The following RFK variants were observed in gnomAD, a reference collection of about 807,000 sequenced individuals.
RFK encodes the protein 0610038L10Rik.
In RFK, 4 loss-of-function variants were observed where a neutral mutation model predicts 17.6. The observed-to-expected ratio is 0.23, with a 90% CI of 0.11 to 0.52. The LOEUF (loss-of-function observed/expected upper bound fraction) is 0.52, where lower values mean the gene tolerates loss of function less well. RFK is among the 20% of genes least tolerant of loss of function. The probability of loss-of-function intolerance (pLI) is 0.96; values close to 1 mark genes in which losing one functional copy is unlikely to be tolerated. For synonymous variants in RFK, 59 were observed against 63.8 expected (o/e 0.92, Z 0.36); for missense variants, 189 against 187.7 (o/e 1.01, Z -0.04).
At position 76,385,988 on chromosome 9, in the gene RFK, A is replaced by ACT. The variant is rs1822723516; in HGVS notation, c.*1410_*1411insAG. The ACT allele has an allele frequency of 6.6e-6, 1 of 152,242 alleles. No homozygotes were observed. The highest frequency in any genetic ancestry group is 1.5e-5 in the Non-Finnish European group (1 of 68,032). The allele number at this position is 152,242 out of a possible 1,614,324, so 9.4% of individuals were successfully genotyped here. ...AGATGTTTTTCTGAGTACTTTTTAC[A>ACT]CAGAATATTTTTATTAAAATCAGTT... On this transcript the variant is annotated 3_prime_UTR_variant, in exon 4 of 4. Coordinates refer to ENST00000376736, the MANE Select transcript of RFK (RefSeq NM_018339.6).
At chr9:76,393,213 T>C (rs1822840931) in intron 1 of RFK, among the ~76,000 whole-genome samples, 1 of 151,248 alleles carries the variant, frequency 6.6e-6, no homozygotes, top group East Asian at 1.9e-4. Flanking sequence ...TCTTTCTTTT[T>C]TTTTTTTTTT....
rs761269114 is a variant in RFK at position 76,388,676 on chromosome 9, C to T, written c.235-20G>A. The T allele has an allele frequency of 2.1e-6, 3 of 1,418,804 alleles. No homozygotes were observed. Among genetic ancestry groups the T allele is most frequent in the Non-Finnish European group, 3.0e-6 (3 of 1,003,938 alleles). 87.9% of individuals were successfully genotyped at this position (1,418,804 alleles called of 1,614,324 possible). On this transcript the variant is annotated intron_variant, in intron 2 of 3. Coordinates refer to ENST00000376736, the MANE Select transcript of RFK (RefSeq NM_018339.6). ...TGTTTCCTATAGTCAAGAAATGTTA[C>T]AAAGAGTGCTATCAGACTACAGTGT...
intron 2 of RFK, among the ~76,000 whole-genome samples, chr9:76,391,024 G>A (rs1822813302): frequency 6.6e-6 from 1 of 152,084 alleles, no homozygotes; most frequent in African/African-American, 2.4e-5. Context: ...TATCTAAGTA[G>A]CTAAAGACAA....
chr9:76,393,690 A>C (rs948132427), intron 1 of RFK: 3 of 223,976 alleles, frequency 1.3e-5, no homozygotes, highest in African/African-American at 6.9e-5. Flanking sequence ...ACATTACATA[A>C]TTACAAATTA....
At chr9:76,393,229 C>A (rs906790349) in intron 1 of RFK, among the ~76,000 whole-genome samples, 2 of 143,798 alleles carry the variant, frequency 1.4e-5, no homozygotes, top group Non-Finnish European at 1.5e-5. Context: ...TTTTTTGAGA[C>A]GGTGTCTCAC....
At position 76,386,033 on chromosome 9, in the gene RFK, TA is replaced by T. The variant is rs1822723864; in HGVS notation, c.*1365del. ...TCAGTTCTAATTCATTTATGCAGAT[TA>T]GGGGAAAATGATTCATAATAAATTA... is the stretch of plus-strand genomic sequence containing the variant. On this transcript the variant is annotated 3_prime_UTR_variant, in exon 4 of 4. Transcript: ENST00000376736. 6.6e-6 allele frequency: 1 copy of T among 152,216 alleles called. No homozygotes were observed. The allele number at this position is 152,216 out of a possible 1,614,324, so 9.4% of individuals were successfully genotyped here.
At position 76,387,252 on chromosome 9, in the gene RFK, T is replaced by C. The variant is rs955683958; in HGVS notation, c.*147A>G. On this transcript the variant is annotated 3_prime_UTR_variant, in exon 4 of 4. Coordinates refer to ENST00000376736, the MANE Select transcript of RFK (RefSeq NM_018339.6). ...TGGGCTTAATTTAATAGTTGAAGCATGATATGATAACAACATTGTACGGTT... is the reference window on the plus strand; with the variant it reads ...TGGGCTTAATTTAATAGTTGAAGCACGATATGATAACAACATTGTACGGTT... 1.0e-5 allele frequency: 7 copies of C among 689,192 alleles called. No individual in the cohort carries two copies. In the Admixed American group the frequency reaches 1.3e-4, roughly 12 times the overall value. The allele number at this position is 689,192 out of a possible 1,614,324, so 42.7% of individuals were successfully genotyped here. A position where few individuals can be genotyped will look rare whatever the true frequency, so the allele number is the denominator to read the frequency against.
chr9:76,394,099 T>C lies in RFK; in HGVS notation c.73A>G (p.Ile25Val), dbSNP rs147845416. 68 of 1,606,374 alleles carry C rather than the reference T, an allele frequency of 4.2e-5. No homozygotes were observed. The African/African-American group carries it at 8.3e-4, about 20-fold the overall frequency. The change falls in exon 1 of 4, where the codon ATC becomes GTC. Residue 25 changes from isoleucine to valine, a missense_variant. By Grantham distance (29) the Ile-to-Val change is conservative. Coordinates refer to ENST00000376736, the MANE Select transcript of RFK (RefSeq NM_018339.6). The part of the protein sequence containing the change: ...GFGRGSKQLG[I>V]PTANFPEQVV... ...GCCGCCCTGCTCTCACCTGTGGGGA[T>C]GCCCAGCTGCTTGGAGCCGCGGCCG...
At position 76,386,376 on chromosome 9, in the gene RFK, A is replaced by T. The variant is rs958105263; in HGVS notation, c.*1023T>A. 2.6e-5 allele frequency: 4 copies of T among 152,202 alleles called. No homozygotes were observed. Among genetic ancestry groups the T allele is most frequent in the Admixed American group, 6.5e-5 (1 of 15,280 alleles). The allele number at this position is 152,202 out of a possible 1,614,324, so 9.4% of individuals were successfully genotyped here. A position where few individuals can be genotyped will look rare whatever the true frequency, so the allele number is the denominator to read the frequency against. Reference sequence around the variant, plus strand: ...TTAAAAATAATTTTATAACTATTTCATAGTTTAATTGGCTCTTAAATAGTT... The same window carrying T: ...TTAAAAATAATTTTATAACTATTTCTTAGTTTAATTGGCTCTTAAATAGTT... On this transcript the variant is annotated 3_prime_UTR_variant, in exon 4 of 4. Coordinates refer to ENST00000376736, the MANE Select transcript of RFK (RefSeq NM_018339.6).
In RFK at chr9:76,393,765, T is replaced by C. The variant is rs766448714; in HGVS notation, c.82+325A>G. 5.9e-4 allele frequency: 227 copies of C among 387,936 alleles called. 1 individual carries two copies. The highest frequency in any genetic ancestry group is 9.7e-4 in the South Asian group (19 of 19,550). 24.0% of individuals were successfully genotyped at this position (387,936 alleles called of 1,614,324 possible). A position where few individuals can be genotyped will look rare whatever the true frequency, so the allele number is the denominator to read the frequency against. The stretch of plus-strand genomic sequence containing the variant: ...GTTCTGGCCCACGTTACGTCTCTAA[T>C]GGGCAAGACAAGCGCAATGCTTGAC... On this transcript the variant is annotated intron_variant, in intron 1 of 3. Transcript: ENST00000376736.
intron 2 of RFK, among the ~76,000 whole-genome samples, chr9:76,390,657 C>T (rs568629790): frequency 2.0e-5 from 3 of 147,366 alleles, no homozygotes; most frequent in South Asian, 4.5e-4. Context: ...GAGCAAGACC[C>T]TATCTGAAAA....
Position 76,385,557 on chromosome 9 carries a change from G to GA in RFK, c.*1841dup, listed in dbSNP as rs1162021139. 6.6e-6 allele frequency: 1 copy of GA among 152,172 alleles called. No individual in the cohort carries two copies. Among genetic ancestry groups the GA allele is most frequent in the Non-Finnish European group, 1.5e-5 (1 of 68,036 alleles). 9.4% of individuals were successfully genotyped at this position (152,172 alleles called of 1,614,324 possible). ...TTAGTCAAAATTTATTTCAAGGCCT[G>GA]AAAACATTCAGACTAATCAAAATGG... On this transcript the variant is annotated 3_prime_UTR_variant, in exon 4 of 4. Transcript: ENST00000376736.
chr9:76,387,319 A>G lies in RFK; in HGVS notation c.*80T>C. ...TGTAGTAAAGTGTTTGATTTTCAGT[A>G]TATAACCAAGATGATGCTGAACAGT... On this transcript the variant is annotated 3_prime_UTR_variant, in exon 4 of 4. Coordinates refer to ENST00000376736, the MANE Select transcript of RFK (RefSeq NM_018339.6). 2.3e-6 allele frequency: 3 copies of G among 1,331,922 alleles called. No individual in the cohort carries two copies. The highest frequency in any genetic ancestry group is 1.3e-5 in the South Asian group (1 of 75,982). The allele number at this position is 1,331,922 out of a possible 1,614,324, so 82.5% of individuals were successfully genotyped here.
chr9:76,394,075 C>A lies in RFK; in HGVS notation c.82+15G>T, dbSNP rs1822858207. On this transcript the variant is annotated intron_variant, in intron 1 of 3. Transcript: ENST00000376736. Reference sequence around the variant, plus strand: ...CGTGACCCGGCCCGGGGGACTCTGGCCGCCCTGCTCTCACCTGTGGGGATG... The same window carrying A: ...CGTGACCCGGCCCGGGGGACTCTGGACGCCCTGCTCTCACCTGTGGGGATG... 6.3e-7 allele frequency: 1 copy of A among 1,584,270 alleles called. No individual in the cohort carries two copies.
intron 2 of RFK, among the ~76,000 whole-genome samples, chr9:76,389,810 CCTGACA>C (rs1822794010): frequency 6.6e-6 from 1 of 151,974 alleles, no homozygotes; most frequent in Non-Finnish European, 1.5e-5. Context: ...TATGTAAGAC[CCTGACA>C]CTGACAATTA....
chr9:76,386,697 C>T lies in RFK; in HGVS notation c.*702G>A, dbSNP rs1198288935. 1 of 152,096 alleles carries T rather than the reference C, an allele frequency of 6.6e-6. No homozygotes were observed. The highest frequency in any genetic ancestry group is 1.9e-4 in the East Asian group (1 of 5,206). The allele number at this position is 152,096 out of a possible 1,614,324, so 9.4% of individuals were successfully genotyped here. ...GACTCAGAATTGAAGCAGCTCTATA[C>T]AATAATGAAGGTGGTACAATGATGT... On this transcript the variant is annotated 3_prime_UTR_variant, in exon 4 of 4. Transcript: ENST00000376736.
intron 3 of RFK, 138 bp downstream of exon 3, chr9:76,388,416 T>G: frequency 1.5e-6 from 1 of 655,028 alleles, no homozygotes; most frequent in South Asian, 1.7e-5. Flanking sequence ...TAGATTCACG[T>G]AAAGCACTTA....
In RFK at chr9:76,390,510, T is replaced by A. The variant is rs538624291; in HGVS notation, c.235-1854A>T. Among the ~76,000 whole-genome samples, 105 of 151,816 alleles carry A rather than the reference T, an allele frequency of 6.9e-4. 2 individuals carry two copies. In the East Asian group the frequency reaches 0.019, roughly 27 times the overall value. On this transcript the variant is annotated intron_variant, in intron 2 of 3. Coordinates refer to ENST00000376736, the MANE Select transcript of RFK (RefSeq NM_018339.6). ...GAAATCTCATCTCTATAAAAAAATT[T>A]AAAAATAGCCAAGCATGGTGGCACA...
At chr9:76,394,032 G>A in intron 1 of RFK, 58 bp downstream of exon 1, 3 of 1,509,962 alleles carry the variant, frequency 2.0e-6, no homozygotes, top group Non-Finnish European at 2.7e-6. Context: ...CCCGGCTGCC[G>A]TCTCTCCCCG....
Sources: allele counts gnomAD v4.1 joint callset (sites outside exome capture counted in the v4.1 genomes callset), GRCh38; gene constraint gnomAD v4.1.1; transcripts MANE v1.5; gene names NCBI Gene and HGNC (gene_info 2026-07-23, HGNC 2026-07-21).